CUX2: variants seen among roughly 807,000 people sequenced by gnomAD.
The protein encoded by CUX2 is homeobox protein cut-like 2.
A neutral mutation model predicts 144.8 loss-of-function variants in CUX2; 40 were observed. The ratio of observed to expected loss-of-function variants is 0.28; its 90% confidence interval spans 0.21 to 0.36. The LOEUF (loss-of-function observed/expected upper bound fraction) is 0.36. Among genes scored for constraint, CUX2 ranks in the 10% least tolerant of loss-of-function variants. The pLI is 1.00. For missense variants in CUX2, 1,615 were observed against 1,994.0 expected (o/e 0.81, Z 3.62); for synonymous variants, 827 against 875.6 (o/e 0.94, Z 0.98).
At chr12:111,239,741 A>G (rs1225146452) in intron 3 of CUX2, among the ~76,000 whole-genome samples, 1 of 151,946 alleles carries the variant, frequency 6.6e-6, no homozygotes, top group Non-Finnish European at 1.5e-5. Flanking sequence ...GTTGCTTTCT[A>G]CAATGAGTGG....
At chr12:111,195,864 A>T (rs1364126921) in intron 1 of CUX2, among the ~76,000 whole-genome samples, 1 of 152,174 alleles carries the variant, frequency 6.6e-6, no homozygotes, top group East Asian at 1.9e-4. Flanking sequence ...CTTTATTGAG[A>T]TATAATTGAT....
intron 4 of CUX2, among the ~76,000 whole-genome samples, chr12:111,278,756 T>C (rs1468575410): frequency 3.3e-5 from 5 of 152,226 alleles, no homozygotes; most frequent in Non-Finnish European, 7.3e-5. Context: ...CATTTCTCTC[T>C]CTTTCAATTT....
intron 3 of CUX2, among the ~76,000 whole-genome samples, chr12:111,251,937 TAGG>T (rs567515944): frequency 6.4e-4 from 98 of 152,204 alleles, no homozygotes; most frequent in Middle Eastern, 3.4e-3. Flanking sequence ...CCCGGCGCTT[TAGG>T]AGGTCAAGGC....
At chr12:111,347,295 A>C (rs1056835414) in intron 21 of CUX2, among the ~76,000 whole-genome samples, 1 of 152,134 alleles carries the variant, frequency 6.6e-6, no homozygotes, top group African/African-American at 2.4e-5. Flanking sequence ...TGTGACCTGG[A>C]ACAAGTCACT....
intron 1 of CUX2, among the ~76,000 whole-genome samples, chr12:111,138,369 G>A (rs2136119805): frequency 6.6e-6 from 1 of 152,288 alleles, no homozygotes; most frequent in South Asian, 2.1e-4. Flanking sequence ...ATGTGGGGGT[G>A]GGGAGAGAGG....
chr12:111,079,605 T>G lies in CUX2; in HGVS notation c.63+45365T>G, dbSNP rs896442457. Among the ~76,000 whole-genome samples the G allele has an allele frequency of 2.6e-5, 4 of 152,204 alleles. No individual in the cohort carries two copies. In the East Asian group the frequency reaches 7.7e-4, roughly 29 times the overall value. On this transcript the variant is annotated intron_variant, in intron 1 of 21. Coordinates refer to ENST00000261726, the MANE Select transcript of CUX2 (RefSeq NM_015267.4). ...AGACCTAGAAGAGCAAGATTTTTCC[T>G]GGCACGAGTAGTGATTTCTCATTCC...
intron 3 of CUX2, among the ~76,000 whole-genome samples, chr12:111,228,882 G>A (rs912942091): frequency 1.3e-5 from 2 of 151,956 alleles, no homozygotes; most frequent in Non-Finnish European, 2.9e-5. Flanking sequence ...CTATAAAATG[G>A]GACTCATCGT....
intron 1 of CUX2, among the ~76,000 whole-genome samples, chr12:111,196,636 A>G (rs1880258154): frequency 6.6e-6 from 1 of 152,200 alleles, no homozygotes; most frequent in African/African-American, 2.4e-5. Context: ...CTAAAACAGC[A>G]CTGTCCCATA....
chr12:111,257,281 CTCCTCCTCCTCCCTCTTCCTCCCACTTCT>C (rs1422033456), intron 3 of CUX2, among the ~76,000 whole-genome samples: 1 of 125,466 alleles, frequency 8.0e-6, no homozygotes, highest in Non-Finnish European at 1.7e-5. Context: ...TTTCCTCTTC[CTCCTCCTCCTCCCTCTTCCTCCCACTTCT>C]TCCTCCTCCT....
At chr12:111,233,763 A>C (rs979677760) in intron 3 of CUX2, among the ~76,000 whole-genome samples, 1 of 152,238 alleles carries the variant, frequency 6.6e-6, no homozygotes, top group Non-Finnish European at 1.5e-5. Context: ...CCAAGATCAC[A>C]TACTGAGAAG....
At chr12:111,162,691 C>T (rs545638993) in intron 1 of CUX2, among the ~76,000 whole-genome samples, 1 of 152,200 alleles carries the variant, frequency 6.6e-6, no homozygotes, top group Admixed American at 6.5e-5. Context: ...AATTTAGACA[C>T]CTACCTACTG....
chr12:111,310,517 T>C lies in CUX2; in HGVS notation c.1735T>C (p.Tyr579His). Residue 579 changes from tyrosine (Y) to histidine (H), a missense_variant, in exon 15 of 22, where the codon TAC becomes CAC. Tyr to His is a moderately conservative substitution (Grantham distance 83). Coordinates refer to ENST00000261726, the MANE Select transcript of CUX2 (RefSeq NM_015267.4). The surrounding 1 kb of genome is among the most constrained non-coding windows in gnomAD (Gnocchi z 7.9). ...HNIGQRVFGH[Y>H]VLGLSQGSVS... Reference sequence around the variant, plus strand: ...CATCGGGCAGCGGGTGTTTGGGCATTACGTGCTGGGGCTGTCGCAGGGCTC... The same window carrying C: ...CATCGGGCAGCGGGTGTTTGGGCATCACGTGCTGGGGCTGTCGCAGGGCTC... 1 of 1,614,050 alleles carries C rather than the reference T, an allele frequency of 6.2e-7. No homozygotes were observed. The highest frequency in any genetic ancestry group is 8.5e-7 in the Non-Finnish European group (1 of 1,179,996).
intron 2 of CUX2, among the ~76,000 whole-genome samples, chr12:111,217,123 G>C (rs1295583484): frequency 6.6e-6 from 1 of 152,140 alleles, no homozygotes; most frequent in African/African-American, 2.4e-5. Flanking sequence ...AGTTTGCCAG[G>C]CTAGCCCAAG....
chr12:111,214,071 T>C (rs969460641), intron 1 of CUX2, 129 bp from the exon 2 acceptor site: 1 of 465,468 alleles, frequency 2.1e-6, no homozygotes, highest in Non-Finnish European at 3.8e-6. Context: ...TATCCTGTCT[T>C]TTCTCAGCTT....
At chr12:111,110,569 AT>A (rs1374189258) in intron 1 of CUX2, among the ~76,000 whole-genome samples, 1 of 152,224 alleles carries the variant, frequency 6.6e-6, no homozygotes, top group Non-Finnish European at 1.5e-5. Flanking sequence ...TCCAATAATG[AT>A]TTCTTGTTAC....
intron 1 of CUX2, among the ~76,000 whole-genome samples, chr12:111,116,824 T>TAGAGGG (rs1874333437): frequency 6.6e-6 from 1 of 152,224 alleles, no homozygotes; most frequent in African/African-American, 2.4e-5. Flanking sequence ...CATAATTTCC[T>TAGAGGG]CCAACAATAA....
chr12:111,094,938 T>G (rs988759325), intron 1 of CUX2, among the ~76,000 whole-genome samples: 1 of 152,194 alleles, frequency 6.6e-6, no homozygotes, highest in East Asian at 1.9e-4. Context: ...TGGACGAAGG[T>G]AGACTGGCTT....
In CUX2 at chr12:111,196,111, A is replaced by G. The variant is rs149737813; in HGVS notation, c.64-18089A>G. Among the ~76,000 whole-genome samples the G allele has an allele frequency of 2.3e-4, 35 of 152,348 alleles. 1 individual carries two copies. In the East Asian group the frequency reaches 4.4e-3, roughly 19 times the overall value. Reference sequence around the variant, plus strand: ...CGTTTCGTACAAATGGGATTATACAATCTGTGGTCTTTGTATCAGCTTCTT... The same window carrying G: ...CGTTTCGTACAAATGGGATTATACAGTCTGTGGTCTTTGTATCAGCTTCTT... On this transcript the variant is annotated intron_variant, in intron 1 of 21. Coordinates refer to ENST00000261726, the MANE Select transcript of CUX2 (RefSeq NM_015267.4).
intron 3 of CUX2, among the ~76,000 whole-genome samples, chr12:111,261,439 A>G (rs1884125178): frequency 1.6e-5 from 2 of 126,090 alleles, no homozygotes; most frequent in Non-Finnish European, 3.1e-5. Flanking sequence ...AGGAGCCACC[A>G]GTGTTTGCAC....
Sources: gnomAD v4.1 joint callset for allele counts (sites outside exome capture counted in the v4.1 genomes callset) on GRCh38, gnomAD v4.1.1 for gene constraint, Gnocchi (gnomAD v3.1) non-coding constraint, MANE v1.5 for transcripts, NCBI Gene and HGNC (gene_info 2026-07-23, HGNC 2026-07-21) for gene names.